GRM5: variants seen among roughly 807,000 people sequenced by gnomAD.
GRM5 encodes the protein metabotropic glutamate receptor 5.
Under a neutral mutation model 83.1 loss-of-function variants are expected in GRM5, and 19 were observed. That is an observed-to-expected ratio of 0.23 (90% CI 0.16 to 0.34). GRM5 has a LOEUF of 0.34. GRM5 is among the 10% of genes least tolerant of loss of function. GRM5 has a pLI of 1.00. For missense variants in GRM5, 1,160 were observed against 1,588.3 expected (o/e 0.73, Z 4.58); for synonymous variants, 675 against 633.6 (o/e 1.07, Z -0.98).
intron 7 of GRM5, among the ~76,000 whole-genome samples, chr11:88,587,946 C>T (rs1023840259): frequency 1.3e-5 from 2 of 152,076 alleles, no homozygotes; most frequent in Non-Finnish European, 2.9e-5. Context: ...ATGCTTTTCT[C>T]TTGTTAGTTT....
intron 2 of GRM5, among the ~76,000 whole-genome samples, chr11:88,896,538 G>T (rs1384676578): frequency 6.6e-6 from 1 of 151,834 alleles, no homozygotes; most frequent in Non-Finnish European, 1.5e-5. Context: ...TTTATTTATT[G>T]TAAGGCATTT....
At chr11:88,532,286 A>G (rs990941712) in intron 8 of GRM5, among the ~76,000 whole-genome samples, 6 of 152,276 alleles carry the variant, frequency 3.9e-5, no homozygotes, top group East Asian at 1.9e-4. Flanking sequence ...TCTTTCCTCA[A>G]TTACTTTTTA....
intron 3 of GRM5, among the ~76,000 whole-genome samples, chr11:88,801,676 G>C (rs6483466): frequency 0.4 from 61,011 of 151,452 alleles, 13,893 homozygotes; most frequent in African/African-American, 0.6. Flanking sequence ...AGGTGAGAGT[G>C]AGGCATAGGT....
intron 3 of GRM5, among the ~76,000 whole-genome samples, chr11:88,821,532 A>C (rs879651934): frequency 6.6e-6 from 1 of 151,918 alleles, no homozygotes; most frequent in Admixed American, 6.6e-5. Context: ...CTCCAATACT[A>C]CTTTGCTTTC....
At chr11:88,818,896 T>C (rs1460684360) in intron 3 of GRM5, among the ~76,000 whole-genome samples, 6 of 152,368 alleles carry the variant, frequency 3.9e-5, no homozygotes, top group Non-Finnish European at 7.4e-5. Flanking sequence ...CCCAAAGTCA[T>C]TGAATCCATT....
At chr11:88,636,041 G>A (rs1939110379) in intron 4 of GRM5, among the ~76,000 whole-genome samples, 1 of 152,108 alleles carries the variant, frequency 6.6e-6, no homozygotes, top group Admixed American at 6.5e-5. Context: ...AACTTAGTTT[G>A]TAAACACCAC....
chr11:88,685,090 T>G (rs527304135), intron 3 of GRM5, among the ~76,000 whole-genome samples: 21 of 152,268 alleles, frequency 1.4e-4, no homozygotes, highest in African/African-American at 5.1e-4. Context: ...GACAAGAATA[T>G]GTAGGAAAGT....
intron 3 of GRM5, among the ~76,000 whole-genome samples, chr11:88,751,090 AAAAAAC>A (rs1298723125): frequency 1.1e-4 from 15 of 140,452 alleles, no homozygotes; most frequent in Admixed American, 3.0e-4. Flanking sequence ...AAAAAAAAAA[AAAAAAC>A]AAAGAACAAA....
At chr11:88,716,965 A>AACTC (rs1447206579) in intron 3 of GRM5, among the ~76,000 whole-genome samples, 2 of 151,954 alleles carry the variant, frequency 1.3e-5, no homozygotes, top group African/African-American at 4.8e-5. Context: ...AGGTGTGGCT[A>AACTC]ACTCAAGGGA....
intron 1 of GRM5, among the ~76,000 whole-genome samples, chr11:89,053,956 G>T (rs898386773): frequency 4.1e-4 from 62 of 152,154 alleles, no homozygotes; most frequent in African/African-American, 1.5e-3. Context: ...AAAATGCAGA[G>T]AAAGGAAGAC....
chr11:88,961,543 T>C (rs1047428011), intron 2 of GRM5, among the ~76,000 whole-genome samples: 1 of 152,156 alleles, frequency 6.6e-6, no homozygotes, highest in African/African-American at 2.4e-5. Context: ...TTGCTACTTA[T>C]CCATTTTTCC....
At chr11:88,723,906 T>C (rs1041287568) in intron 3 of GRM5, among the ~76,000 whole-genome samples, 1 of 152,172 alleles carries the variant, frequency 6.6e-6, no homozygotes, top group Non-Finnish European at 1.5e-5. Flanking sequence ...AGGGAGTACA[T>C]GTGCATGTTG....
At chr11:88,539,157 G>T (rs1397541261) in intron 8 of GRM5, among the ~76,000 whole-genome samples, 4 of 152,174 alleles carry the variant, frequency 2.6e-5, no homozygotes, top group African/African-American at 9.7e-5. Flanking sequence ...AACCTCAGTG[G>T]TGCTCGATGG....
intron 1 of GRM5, among the ~76,000 whole-genome samples, chr11:89,052,686 G>A (rs138764770): frequency 6.6e-6 from 1 of 152,092 alleles, no homozygotes; most frequent in Non-Finnish European, 1.5e-5. Context: ...TTCAGATACA[G>A]AATCTTTCAG....
At chr11:88,994,398 G>A (rs1475216803) in intron 2 of GRM5, among the ~76,000 whole-genome samples, 1 of 147,030 alleles carries the variant, frequency 6.8e-6, no homozygotes, top group African/African-American at 2.5e-5. Flanking sequence ...TACCTGGTAG[G>A]GTGCCTGACA....
At chr11:88,541,970 C>T (rs989118209) in intron 8 of GRM5, among the ~76,000 whole-genome samples, 8 of 152,126 alleles carry the variant, frequency 5.3e-5, no homozygotes, top group Non-Finnish European at 7.4e-5. Context: ...GGGGCTCTTC[C>T]CCCTTAGCTT....
chr11:88,995,295 C>T (rs1216556917), intron 2 of GRM5, among the ~76,000 whole-genome samples: 1 of 151,724 alleles, frequency 6.6e-6, no homozygotes, highest in Non-Finnish European at 1.5e-5. Flanking sequence ...GCCTGTAATC[C>T]CAGCACTTCG....
At chr11:88,671,562 A>G (rs534271238) in intron 3 of GRM5, among the ~76,000 whole-genome samples, 33 of 152,222 alleles carry the variant, frequency 2.2e-4, no homozygotes, top group Middle Eastern at 6.8e-3. Flanking sequence ...ATTGCAGTTT[A>G]TTTATATAAT....
At chr11:88,959,779 A>C (rs2134982568) in intron 2 of GRM5, among the ~76,000 whole-genome samples, 1 of 152,308 alleles carries the variant, frequency 6.6e-6, no homozygotes, top group Non-Finnish European at 1.5e-5. Flanking sequence ...AGGAAGAGGG[A>C]AATGTGATAA....
Sources: gnomAD v4.1 joint callset for allele counts (sites outside exome capture counted in the v4.1 genomes callset) on GRCh38, gnomAD v4.1.1 for gene constraint, MANE v1.5 for transcripts, NCBI Gene and HGNC (gene_info 2026-07-23, HGNC 2026-07-21) for gene names.